Variants in RYR2 observed in about 807,000 individuals in gnomAD.
RYR2 encodes the protein ryanodine receptor 2.
Under a neutral mutation model 601.1 loss-of-function variants are expected in RYR2, and 227 were observed. The ratio of observed to expected loss-of-function variants is 0.38; its 90% CI spans 0.34 to 0.42. The LOEUF (loss-of-function observed/expected upper bound fraction) is 0.42, where lower values mean the gene tolerates loss of function less well. Ranked by LOEUF, RYR2 falls within the 10% of genes least tolerant of loss-of-function variation. The pLI is 1.00. For synonymous variants in RYR2, 2,223 were observed against 2,175.1 expected, an observed-to-expected ratio of 1.02 and a Z score of -0.61; for missense variants, 4,646 against 6,156.5, an observed-to-expected ratio of 0.75 and a Z score of 8.21.
intron 1 of RYR2, among the ~76,000 whole-genome samples, chr1:237,044,013 C>T (rs1660247667): frequency 1.3e-5 from 2 of 152,144 alleles, no homozygotes; most frequent in Admixed American, 6.5e-5. Context: ...CAGATGACAA[C>T]CTAATAGTAA....
intron 8 of RYR2, among the ~76,000 whole-genome samples, chr1:237,383,618 A>G (rs745961012): frequency 1.5e-4 from 23 of 150,610 alleles, no homozygotes; most frequent in Non-Finnish European, 2.5e-4. Context: ...TTTAGTAGAG[A>G]CGGGGCTTCA....
chr1:237,601,944 T>A, intron 34 of RYR2, 81 bp from the exon 35 acceptor site: 1 of 1,133,938 alleles, frequency 8.8e-7, no homozygotes, highest in Non-Finnish European at 1.3e-6. Context: ...TGTAAAGTAT[T>A]CCTTTGTTGT....
At chr1:237,266,330 T>TTTTG (rs1689053020) in intron 1 of RYR2, among the ~76,000 whole-genome samples, 1 of 149,380 alleles carries the variant, frequency 6.7e-6, no homozygotes, top group Non-Finnish European at 1.5e-5. Context: ...AGAAACTAGA[T>TTTTG]TGTGTGTGTG....
intron 1 of RYR2, among the ~76,000 whole-genome samples, chr1:237,172,937 T>G (rs1677581309): frequency 1.3e-5 from 2 of 152,190 alleles, no homozygotes; most frequent in African/African-American, 4.8e-5. Context: ...GTACTTGGGA[T>G]ATCGAATGAC....
intron 17 of RYR2, among the ~76,000 whole-genome samples, chr1:237,487,945 T>C (rs958554966): frequency 3.3e-5 from 5 of 152,094 alleles, no homozygotes; most frequent in African/African-American, 1.2e-4. Flanking sequence ...AGAAACTGTT[T>C]TAATGTTAAA....
chr1:237,641,257 G>A (rs1681441876), intron 47 of RYR2, among the ~76,000 whole-genome samples: 1 of 152,148 alleles, frequency 6.6e-6, no homozygotes, highest in Non-Finnish European at 1.5e-5. Flanking sequence ...AACTCATACA[G>A]CCTCCCACAT....
chr1:237,257,209 AT>A (rs1688079445), intron 1 of RYR2, among the ~76,000 whole-genome samples: 1 of 152,096 alleles, frequency 6.6e-6, no homozygotes, highest in Admixed American at 6.6e-5. Context: ...GTGGGCCCAG[AT>A]TTGTCTCATT....
Position 237,614,140 on chromosome 1 carries a change from G to T in RYR2, c.5012G>T (p.Arg1671Leu). The change falls in exon 37 of 105, where the codon CGG becomes CTG. Residue 1671 changes from arginine (R) to leucine (L), a missense_variant. Arg to Leu is a moderately radical substitution (Grantham distance 102). Around this residue, in one of 17 missense-constraint regions of RYR2, gnomAD observed 1,807 missense variants for 2,088.1 expected, o/e 0.87. Transcript: ENST00000366574. The surrounding 1 kb of genome is among the most constrained non-coding windows in gnomAD (Gnocchi z 4.3). ...GCCGTCTGTGCTCTTGGGAACCACC[G>T]GGTGGCCCATGCCCTGTGCAGCCAT... ...YSAVCALGNH[R>L]VAHALCSHVD... The T allele has an allele frequency of 6.2e-7, 1 of 1,613,990 alleles. No individual in the cohort carries two copies.
chr1:237,567,539 A>G (rs1672219436), intron 28 of RYR2, among the ~76,000 whole-genome samples: 1 of 151,964 alleles, frequency 6.6e-6, no homozygotes. Context: ...GCAATGAGCC[A>G]TGATCACACC....
At chr1:237,782,590 T>C (rs1027780186) in intron 89 of RYR2, among the ~76,000 whole-genome samples, 1 of 152,192 alleles carries the variant, frequency 6.6e-6, no homozygotes. Flanking sequence ...AGCCACTTTA[T>C]ACCCTTTAAA....
chr1:237,230,539 C>A (rs1315711600), intron 1 of RYR2, among the ~76,000 whole-genome samples: 1 of 152,004 alleles, frequency 6.6e-6, no homozygotes, highest in Non-Finnish European at 1.5e-5. Flanking sequence ...ACTAGGTTAT[C>A]TTTTTACCAA....
intron 10 of RYR2, among the ~76,000 whole-genome samples, chr1:237,412,572 A>C (rs1174660656): frequency 6.6e-6 from 1 of 152,192 alleles, no homozygotes; most frequent in Non-Finnish European, 1.5e-5. Context: ...AACAATGTCC[A>C]GTTCTTTTAG....
rs1047277802 is a variant in RYR2, at chr1:237,332,372, C to T, written c.273+1390C>T. ...AGACTAGAAGCTTATTTTACAAAAG[C>T]TTAGTATTTTAGTTTTTCAGGTTCA... is the stretch of plus-strand genomic sequence containing the variant. On this transcript the variant is annotated intron_variant, in intron 3 of 104. Coordinates refer to ENST00000366574, the MANE Select transcript of RYR2 (RefSeq NM_001035.3). 6.3e-4 allele frequency among the ~76,000 whole-genome samples: 96 copies of T among 152,120 alleles called. No homozygotes were observed. The Middle Eastern group carries it at 0.01, about 16-fold the overall frequency.
chr1:237,445,797 A>T (rs1708279930), intron 14 of RYR2, among the ~76,000 whole-genome samples: 1 of 151,834 alleles, frequency 6.6e-6, no homozygotes, highest in South Asian at 2.1e-4. Context: ...CTTGTACTGA[A>T]CCTATTTAGT....
At chr1:237,172,518 A>G (rs1303480493) in intron 1 of RYR2, among the ~76,000 whole-genome samples, 1 of 152,056 alleles carries the variant, frequency 6.6e-6, no homozygotes, top group Non-Finnish European at 1.5e-5. Flanking sequence ...TTTAATGAGG[A>G]AAGGCAGTGC....
At chr1:237,746,044 G>C (rs938173508) in intron 80 of RYR2, among the ~76,000 whole-genome samples, 3 of 151,996 alleles carry the variant, frequency 2.0e-5, no homozygotes, top group Non-Finnish European at 4.4e-5. Context: ...GAGAAACAGA[G>C]ATATATATAA....
At chr1:237,259,563 C>G (rs1464661323) in intron 1 of RYR2, among the ~76,000 whole-genome samples, 1 of 150,198 alleles carries the variant, frequency 6.7e-6, no homozygotes, top group Admixed American at 6.6e-5. Flanking sequence ...ACTACCGTCA[C>G]CTTGTATAAA....
At chr1:237,092,939 C>T (rs1667128302) in intron 1 of RYR2, among the ~76,000 whole-genome samples, 1 of 152,166 alleles carries the variant, frequency 6.6e-6, no homozygotes, top group African/African-American at 2.4e-5. Flanking sequence ...ACATGCAGAA[C>T]CTCACTTTGC....
At chr1:237,114,033 C>A (rs185322590) in intron 1 of RYR2, among the ~76,000 whole-genome samples, 1 of 152,126 alleles carries the variant, frequency 6.6e-6, no homozygotes, top group Non-Finnish European at 1.5e-5. Context: ...GTCACCTGGG[C>A]ATTTCTTTAG....
Sources: allele counts gnomAD v4.1 joint callset (sites outside exome capture counted in the v4.1 genomes callset), GRCh38; gene constraint gnomAD v4.1.1; regional missense constraint gnomAD v4.1.1; non-coding constraint Gnocchi (gnomAD v3.1); transcripts MANE v1.5; gene names NCBI Gene and HGNC (gene_info 2026-07-23, HGNC 2026-07-21).